Variants in EXOC3 observed in about 807,000 individuals in gnomAD.
The protein encoded by EXOC3 is exocyst complex component 3.
EXOC3 carries 21 observed loss-of-function variants against 73.7 expected under a neutral mutation model. The observed-to-expected ratio is 0.29, with a 90% CI of 0.20 to 0.41. The LOEUF (loss-of-function observed/expected upper bound fraction) is 0.41. Among genes scored for constraint, EXOC3 ranks in the 10% least tolerant of loss-of-function variants. The pLI, the probability that EXOC3 is intolerant of heterozygous loss-of-function variation, is 1.00. For missense variants in EXOC3, 842 were observed against 985.1 expected (o/e 0.85, Z 1.95); for synonymous variants, 410 against 389.1 (o/e 1.05, Z -0.63).
intron 1 of EXOC3, 58 bp downstream of exon 1, chr5:443,348 TC>T (rs1039939911): frequency 6.5e-6 from 1 of 152,672 alleles, no homozygotes; most frequent in African/African-American, 2.4e-5. Context: ...TCGCCGTCTT[TC>T]ATCCTTGCTC....
At chr5:464,668 T>TAGCTCCTTGCTAAGG (rs1285949757) in intron 10 of EXOC3, 9 of 449,176 alleles carry the variant, frequency 2.0e-5, no homozygotes, top group Middle Eastern at 6.3e-4. Context: ...TGCCCCGTCT[T>TAGCTCCTTGCTAAGG]AGCTCCTTGC....
chr5:460,900 C>T (rs1436123002), intron 7 of EXOC3, among the ~76,000 whole-genome samples: 1 of 152,212 alleles, frequency 6.6e-6, no homozygotes, highest in Non-Finnish European at 1.5e-5. Flanking sequence ...CTTTAATTGC[C>T]AGCTTTCAGT....
intron 11 of EXOC3, among the ~76,000 whole-genome samples, 167 bp from the exon 12 acceptor site, chr5:465,551 G>T (rs1032126183): frequency 2.6e-5 from 4 of 152,200 alleles, no homozygotes; most frequent in Admixed American, 2.0e-4. Flanking sequence ...CCACGGTCTC[G>T]CCCTCACCCC....
rs1738075082 is a variant in EXOC3, at chr5:464,409, G to A, written c.1773G>A (p.Lys591=). The change falls in exon 10 of 13, where the codon AAG becomes AAA. Residue 591 remains lysine, a synonymous_variant. Transcript: ENST00000512944. The part of the protein sequence containing the change: ...NDFAKIKKPY[K]KRMTAEAHRR... The stretch of plus-strand genomic sequence containing the variant: ...TTGCCAAAATTAAAAAGCCGTATAA[G>A]AAGGTAAGAAGGTGGGACCTAGTTC... 1 of 1,613,278 alleles carries A rather than the reference G, an allele frequency of 6.2e-7. No homozygotes were observed. The highest frequency in any genetic ancestry group is 1.3e-5 in the African/African-American group (1 of 74,942).
rs1579738735 is a variant in EXOC3 at position 455,368 on chromosome 5, C to A, written c.1046+1317C>A. On this transcript the variant is annotated intron_variant, in intron 4 of 12. Transcript: ENST00000512944. ...CTGTCCTTGGGGAGTCTCGTGAGTT[C>A]CATCACCCCGGCCTTTCTCAGGGGA... Among the ~76,000 whole-genome samples the A allele has an allele frequency of 2.0e-5, 3 of 152,204 alleles. No individual in the cohort carries two copies. In the South Asian group the frequency reaches 6.2e-4, roughly 32 times the overall value.
rs368689128 is a variant in EXOC3, at chr5:443,253, C to A, written c.-94C>A. 2.8e-5 allele frequency: 2 copies of A among 71,294 alleles called. No homozygotes were observed. Among genetic ancestry groups the A allele is most frequent in the Non-Finnish European group, 4.6e-5 (1 of 21,860 alleles). The allele number at this position is 71,294 out of a possible 1,614,324, so 4.4% of individuals were successfully genotyped here. Reference sequence around the variant, plus strand: ...GGGGCGGCGGCGGCGGCGGCGGCGGCGGCGGCGGCGGCGGCGGCGGCGGCG... The same window carrying A: ...GGGGCGGCGGCGGCGGCGGCGGCGGAGGCGGCGGCGGCGGCGGCGGCGGCG... On this transcript the variant is annotated 5_prime_UTR_variant, in exon 1 of 13. Transcript: ENST00000512944.
Position 461,563 on chromosome 5 carries a change from A to G in EXOC3, c.1392-397A>G, listed in dbSNP as rs182508708. The G allele has an allele frequency of 1.9e-3, 322 of 172,562 alleles. 1 individual carries two copies. Among genetic ancestry groups the G allele is most frequent in the Non-Finnish European group, 3.6e-3 (290 of 80,432 alleles). The allele number at this position is 172,562 out of a possible 1,614,324, so 10.7% of individuals were successfully genotyped here. ...AGGAGGTGGAGGTTGCAGTGAGCCAAGGTCTCACCACTGCACTCCAGCCTG... is the reference window on the plus strand; with the variant it reads ...AGGAGGTGGAGGTTGCAGTGAGCCAGGGTCTCACCACTGCACTCCAGCCTG... On this transcript the variant is annotated intron_variant, in intron 7 of 12. Coordinates refer to ENST00000512944, the MANE Select transcript of EXOC3 (RefSeq NM_007277.5).
chr5:454,803 T>G (rs1737756022), intron 4 of EXOC3, among the ~76,000 whole-genome samples: 1 of 148,414 alleles, frequency 6.7e-6, no homozygotes, highest in Non-Finnish European at 1.5e-5. Context: ...GTATTGGAAT[T>G]TCTTCTTCTT....
intron 7 of EXOC3, 57 bp downstream of exon 7, chr5:459,516 G>A: frequency 3.0e-6 from 3 of 1,010,644 alleles, no homozygotes; most frequent in Admixed American, 3.0e-5. Flanking sequence ...AAAATTAGAA[G>A]CAAAAATTTT....
In EXOC3 at chr5:453,403, T is replaced by C. The variant is rs370378381; in HGVS notation, c.398T>C (p.Ile133Thr). ...ATTGTGAGGGAGACCCAGGACCTAA[T>C]TGAACAAGGGGCACTCCTGCAAGCC... is the stretch of plus-strand genomic sequence containing the variant. The part of the protein sequence containing the change: ...PEIVRETQDL[I>T]EQGALLQAHR... Residue 133 changes from isoleucine to threonine, a missense_variant, in exon 4 of 13, where the codon ATT (isoleucine) becomes ACT (threonine). Coordinates refer to ENST00000512944, the MANE Select transcript of EXOC3 (RefSeq NM_007277.5). The C allele has an allele frequency of 8.8e-5, 140 of 1,595,390 alleles. No individual in the cohort carries two copies. The highest frequency in any genetic ancestry group is 5.5e-4 in the Admixed American group (31 of 56,866).
intron 3 of EXOC3, among the ~76,000 whole-genome samples, chr5:450,221 G>A (rs1305717288): frequency 6.6e-6 from 1 of 152,228 alleles, no homozygotes; most frequent in African/African-American, 2.4e-5. Flanking sequence ...ACTCCAGCCA[G>A]GGGGACAAGA....
In EXOC3 at chr5:466,858, T is replaced by C. The variant is rs1443254390; in HGVS notation, c.2198T>C (p.Ile733Thr). Residue 733 changes from isoleucine (I) to threonine (T), a missense_variant, in exon 13 of 13, where the codon ATT becomes ACT. Coordinates refer to ENST00000512944, the MANE Select transcript of EXOC3 (RefSeq NM_007277.5). ...AGCTACGTGCCCCTCTTCAAGGACA[T>C]TGTGGTGCCCAGCCTGAACGTGGCC... Reference protein sequence around the residue: ...SPSYVPLFKDIVVPSLNVAKL... With the variant: ...SPSYVPLFKDTVVPSLNVAKL... 1 of 1,612,304 alleles carries C rather than the reference T, an allele frequency of 6.2e-7. No homozygotes were observed. Among genetic ancestry groups the C allele is most frequent in the Non-Finnish European group, 8.5e-7 (1 of 1,179,292 alleles).
In EXOC3 at chr5:456,880, C is replaced by G. The variant is rs55681824; in HGVS notation, c.1047-9C>G. ...TGGTTTGTCACTCACATTCCTGGTTCCCCCATAGTACTGAGATGATGAGGA... is the reference window on the plus strand; with the variant it reads ...TGGTTTGTCACTCACATTCCTGGTTGCCCCATAGTACTGAGATGATGAGGA... On this transcript the variant is annotated splice_polypyrimidine_tract_variant and intron_variant, in intron 4 of 12. Coordinates refer to ENST00000512944, the MANE Select transcript of EXOC3 (RefSeq NM_007277.5). 11 of 1,603,694 alleles carry G rather than the reference C, an allele frequency of 6.9e-6. No homozygotes were observed. The highest frequency in any genetic ancestry group is 9.4e-6 in the Non-Finnish European group (11 of 1,170,656).
chr5:465,209 G>A lies in EXOC3; in HGVS notation c.1875G>A (p.Glu625=), dbSNP rs957626965. Reference sequence around the variant, plus strand: ...TCCGGAGCCCGGAGGAGCGCAAGGAGGGTGCCGAGAAGATGGTTAGGGAGG... The same window carrying A: ...TCCGGAGCCCGGAGGAGCGCAAGGAAGGTGCCGAGAAGATGGTTAGGGAGG... ...ISFRSPEERK[E]GAEKMVREAE... is the part of the protein sequence containing the mutation. Residue 625 remains glutamate, a synonymous_variant, in exon 11 of 13, where the codon GAG becomes GAA. Coordinates refer to ENST00000512944, the MANE Select transcript of EXOC3 (RefSeq NM_007277.5). 17 of 1,594,172 alleles carry A rather than the reference G, an allele frequency of 1.1e-5. No homozygotes were observed. Among genetic ancestry groups the A allele is most frequent in the Admixed American group, 1.8e-5 (1 of 56,868 alleles).
At chr5:446,754 G>A (rs1737520184) in intron 2 of EXOC3, among the ~76,000 whole-genome samples, 1 of 152,208 alleles carries the variant, frequency 6.6e-6, no homozygotes, top group South Asian at 2.1e-4. Context: ...CTACTTGGGA[G>A]GCTGAGGCAA....
chr5:466,288 G>A, intron 12 of EXOC3: 2 of 241,618 alleles, frequency 8.3e-6, no homozygotes, highest in South Asian at 1.4e-4. Flanking sequence ...CCAGGGAAGG[G>A]GACCCACGCA....
In EXOC3 at chr5:447,756, C is replaced by G; in HGVS notation, c.364+4C>G. On this transcript the variant is annotated splice_donor_region_variant and intron_variant, in intron 3 of 12. Coordinates refer to ENST00000512944, the MANE Select transcript of EXOC3 (RefSeq NM_007277.5). Reference sequence around the variant, plus strand: ...AACCTCAAGAACATCTTCTCAGGTACCAGCCAGACGCCGAGGCACTTGCCC... The same window carrying G: ...AACCTCAAGAACATCTTCTCAGGTAGCAGCCAGACGCCGAGGCACTTGCCC... 1 of 1,539,092 alleles carries G rather than the reference C, an allele frequency of 6.5e-7. No individual in the cohort carries two copies. Among genetic ancestry groups the G allele is most frequent in the Non-Finnish European group, 8.8e-7 (1 of 1,137,274 alleles).
rs1251880914 is a variant in EXOC3 at position 450,102 on chromosome 5, C to T, written c.364+2350C>T. ...CTCTACTAAAAATATAAAAATTAGCCGGGCGTGGTGGCAGGCGCCTGTAAT... is the reference window on the plus strand; with the variant it reads ...CTCTACTAAAAATATAAAAATTAGCTGGGCGTGGTGGCAGGCGCCTGTAAT... On this transcript the variant is annotated intron_variant, in intron 3 of 12. Transcript: ENST00000512944. 8.6e-5 allele frequency among the ~76,000 whole-genome samples: 13 copies of T among 152,006 alleles called. No homozygotes were observed. The East Asian group carries it at 1.2e-3, about 14-fold the overall frequency.
At chr5:464,551 G>C (rs977194276) in intron 10 of EXOC3, 139 bp downstream of exon 10, 2 of 918,904 alleles carry the variant, frequency 2.2e-6, no homozygotes, top group Admixed American at 2.0e-5. Flanking sequence ...GAGGCAATAG[G>C]CTCTGCGGAC....
Sources: gnomAD v4.1 joint callset for allele counts (sites outside exome capture counted in the v4.1 genomes callset) on GRCh38, gnomAD v4.1.1 for gene constraint, MANE v1.5 for transcripts, NCBI Gene and HGNC (gene_info 2026-07-23, HGNC 2026-07-21) for gene names.